The following MOGAT2 variants were observed in gnomAD, a reference collection of about 807,000 sequenced individuals.
The protein encoded by MOGAT2 is monoacylglycerol O-acyltransferase 2.
MOGAT2 carries 27 observed loss-of-function variants against 31.5 expected under a neutral mutation model. The observed-to-expected ratio is 0.86, with a 90% CI of 0.63 to 1.18. The LOEUF is 1.18. Among genes scored for constraint, MOGAT2 ranks in the 50% most tolerant of loss-of-function variants. The probability of loss-of-function intolerance (pLI) is 0.00; values close to 1 mark genes in which losing one functional copy is unlikely to be tolerated. For synonymous variants in MOGAT2, 163 were observed against 170.0 expected (o/e 0.96, Z 0.32); for missense variants, 436 against 433.2 (o/e 1.01, Z -0.06).
chr11:75,731,233 G>A lies in MOGAT2; in HGVS notation c.952G>A (p.Ala318Thr), dbSNP rs146374070. 81 of 1,614,142 alleles carry A rather than the reference G, an allele frequency of 5.0e-5. No individual in the cohort carries two copies. In the African/African-American group the frequency reaches 1.0e-3, roughly 20 times the overall value. ...CAAAGAGCTGTGCAACCTCTTCGAG[G>A]CCCACAAACTTAAGTTCAACATCCC... ...YIKELCNLFEAHKLKFNIPAD... is the reference protein window; with the variant it reads ...YIKELCNLFETHKLKFNIPAD... The change falls in exon 6 of 6, where the codon GCC becomes ACC. Residue 318 changes from alanine (A) to threonine (T), a missense_variant. Physicochemically the swap from Ala to Thr is moderately conservative, Grantham distance 58. Transcript: ENST00000198801.
At chr11:75,725,909 T>C (rs917320148) in intron 2 of MOGAT2, among the ~76,000 whole-genome samples, 1 of 152,172 alleles carries the variant, frequency 6.6e-6, no homozygotes, top group Non-Finnish European at 1.5e-5. Flanking sequence ...ACCCTTGGAC[T>C]CCGATGGCCG....
chr11:75,717,878 G>A lies in MOGAT2; in HGVS notation c.-11G>A, dbSNP rs1944342635. ...TCACAGAACCTGCGGGAGCCAGGCT[G>A]ACCCGCCAGCATGGTAGAGTTCGCG... On this transcript the variant is annotated 5_prime_UTR_variant, in exon 1 of 6. Transcript: ENST00000198801. 2 of 1,613,662 alleles carry A rather than the reference G, an allele frequency of 1.2e-6. No individual in the cohort carries two copies. Among genetic ancestry groups the A allele is most frequent in the East Asian group, 2.2e-5 (1 of 44,864 alleles).
chr11:75,727,730 A>G (rs900151148), intron 3 of MOGAT2, 91 bp downstream of exon 3: 2 of 1,324,736 alleles, frequency 1.5e-6, no homozygotes, highest in African/African-American at 2.9e-5. Context: ...GAGCGTGTGC[A>G]GTAGGAGAAG....
In MOGAT2 at chr11:75,727,775, C is replaced by G. The variant is rs1944434677; in HGVS notation, c.475+136C>G. The stretch of plus-strand genomic sequence containing the variant: ...CCCAAAGAAGCACTTCCTACAGCAC[C>G]ATGCTGGGCGCTGAGTCCATCAGGG... On this transcript the variant is annotated intron_variant, in intron 3 of 5. Transcript: ENST00000198801. 4 of 1,056,612 alleles carry G rather than the reference C, an allele frequency of 3.8e-6. No individual in the cohort carries two copies. In the African/African-American group the frequency reaches 4.8e-5, roughly 13 times the overall value. 65.5% of individuals were successfully genotyped at this position (1,056,612 alleles called of 1,614,324 possible). A position where few individuals can be genotyped will look rare whatever the true frequency, so the allele number is the denominator to read the frequency against.
intron 5 of MOGAT2, chr11:75,730,866 G>GCTC: frequency 8.3e-6 from 2 of 241,032 alleles, no homozygotes; most frequent in Non-Finnish European, 1.5e-5. Flanking sequence ...AGTGAGCTGA[G>GCTC]ATTGCGCCAC....
At chr11:75,730,422 C>G (rs1944465349) in intron 5 of MOGAT2, among the ~76,000 whole-genome samples, 1 of 152,154 alleles carries the variant, frequency 6.6e-6, no homozygotes, top group Admixed American at 6.5e-5. Flanking sequence ...ATCATATAGC[C>G]TGAAGGTAAA....
At chr11:75,728,588 T>C (rs1272653371) in intron 4 of MOGAT2, 7 of 602,174 alleles carry the variant, frequency 1.2e-5, no homozygotes, top group Non-Finnish European at 2.1e-5. Context: ...TGGGAAGTTG[T>C]GGCCCTGCAA....
chr11:75,720,351 G>A (rs1242872779), intron 2 of MOGAT2, among the ~76,000 whole-genome samples, 181 bp downstream of exon 2: 4 of 152,168 alleles, frequency 2.6e-5, no homozygotes, highest in South Asian at 2.1e-4. Context: ...GCTTCTCTCC[G>A]ATCATGGTTT....
At chr11:75,730,753 A>G (rs972896355) in intron 5 of MOGAT2, among the ~76,000 whole-genome samples, 2 of 151,978 alleles carry the variant, frequency 1.3e-5, no homozygotes, top group African/African-American at 2.4e-5. Context: ...TACTAAAAAT[A>G]CAAAAATTAG....
chr11:75,719,189 G>C (rs1389965314), intron 1 of MOGAT2, among the ~76,000 whole-genome samples: 1 of 152,140 alleles, frequency 6.6e-6, no homozygotes, highest in Non-Finnish European at 1.5e-5. Context: ...TCAAGGATTT[G>C]CCTCCAGTAA....
chr11:75,718,981 T>TCTCTCACA (rs535098500), intron 1 of MOGAT2, among the ~76,000 whole-genome samples: 1 of 150,096 alleles, frequency 6.7e-6, no homozygotes, highest in African/African-American at 2.5e-5. Context: ...TCTCTCTCTC[T>TCTCTCACA]CACACACACA....
chr11:75,724,680 AC>A (rs1944405566), intron 2 of MOGAT2, among the ~76,000 whole-genome samples: 1 of 152,020 alleles, frequency 6.6e-6, no homozygotes, highest in Non-Finnish European at 1.5e-5. Context: ...AAATTCAAAA[AC>A]AGACCAAAGG....
intron 2 of MOGAT2, among the ~76,000 whole-genome samples, chr11:75,722,461 A>T (rs1268201713): frequency 6.6e-6 from 1 of 151,888 alleles, no homozygotes; most frequent in Non-Finnish European, 1.5e-5. Flanking sequence ...CTCACTTCCC[A>T]CTCTTGAGCT....
chr11:75,725,190 C>T (rs1478305088), intron 2 of MOGAT2, among the ~76,000 whole-genome samples: 5 of 151,998 alleles, frequency 3.3e-5, no homozygotes, highest in Non-Finnish European at 7.4e-5. Flanking sequence ...GCAAAATTAC[C>T]CTCCCACTAG....
intron 2 of MOGAT2, 80 bp from the exon 3 acceptor site, chr11:75,727,355 C>G: frequency 2.1e-6 from 3 of 1,411,720 alleles, no homozygotes; most frequent in Non-Finnish European, 1.9e-6. Context: ...GGGAGGTTTC[C>G]CAAGGTCACA....
At chr11:75,720,963 T>C (rs1038539474) in intron 2 of MOGAT2, among the ~76,000 whole-genome samples, 1 of 152,166 alleles carries the variant, frequency 6.6e-6, no homozygotes, top group African/African-American at 2.4e-5. Flanking sequence ...TTTAAAGCCT[T>C]GATCTATGCA....
At chr11:75,723,854 G>A (rs1944397400) in intron 2 of MOGAT2, among the ~76,000 whole-genome samples, 1 of 152,238 alleles carries the variant, frequency 6.6e-6, no homozygotes, top group Admixed American at 6.5e-5. Flanking sequence ...AGCCTGCCAG[G>A]GCATGCACCC....
intron 2 of MOGAT2, 43 bp from the exon 3 acceptor site, chr11:75,727,392 T>C: frequency 1.9e-6 from 3 of 1,577,460 alleles, no homozygotes; most frequent in Non-Finnish European, 2.6e-6. Context: ...TCAGGGCTGG[T>C]ACACAGGCCC....
intron 2 of MOGAT2, among the ~76,000 whole-genome samples, chr11:75,724,109 C>T (rs992241909): frequency 4.6e-5 from 7 of 152,188 alleles, no homozygotes; most frequent in African/African-American, 1.2e-4. Flanking sequence ...GCGGCAGAAC[C>T]GGGGTCTCCT....
Sources: gnomAD v4.1 joint callset for allele counts (sites outside exome capture counted in the v4.1 genomes callset) on GRCh38, gnomAD v4.1.1 for gene constraint, MANE v1.5 for transcripts, NCBI Gene and HGNC (gene_info 2026-07-23, HGNC 2026-07-21) for gene names.